The following ZNF385D variants were observed in gnomAD, a reference collection of about 807,000 sequenced individuals.
ZNF385D encodes the protein zinc finger protein 659.
A neutral mutation model predicts 35.8 loss-of-function variants in ZNF385D; 15 were observed. The ratio of observed to expected loss-of-function variants is 0.42; its 90% CI spans 0.28 to 0.64. The LOEUF (loss-of-function observed/expected upper bound fraction) is 0.64, where lower values mean the gene tolerates loss of function less well. Ranked by LOEUF, ZNF385D falls within the 30% of genes least tolerant of loss-of-function variation. ZNF385D has a pLI of 0.23. For synonymous variants in ZNF385D, 212 were observed against 186.8 expected (o/e 1.13, Z -1.10); for missense variants, 474 against 494.6 (o/e 0.96, Z 0.39).
Position 21,860,266 on chromosome 3 carries a change from A to G in ZNF385D, c.326-195238T>C, listed in dbSNP as rs148649256. Among the ~76,000 whole-genome samples the G allele has an allele frequency of 1.8e-3, 275 of 152,184 alleles. 1 individual carries two copies. The highest frequency in any genetic ancestry group is 5.4e-3 in the African/African-American group (225 of 41,540). ...ACATGATCACTGTCATAACTACTCA[A>G]CTGTCTCACTGCAATTCAAAACAGT... On this transcript the variant is annotated intron_variant, in intron 3 of 5. Coordinates refer to the ZNF385D transcript ENST00000494108.
chr3:21,448,090 A>C (rs2125269700), intron 4 of ZNF385D, among the ~76,000 whole-genome samples: 1 of 152,286 alleles, frequency 6.6e-6, no homozygotes, highest in South Asian at 2.1e-4. Context: ...TAATCACCAG[A>C]AAGTTACCAT....
chr3:21,961,143 T>C (rs1410211670), intron 3 of ZNF385D, among the ~76,000 whole-genome samples: 1 of 152,114 alleles, frequency 6.6e-6, no homozygotes, highest in African/African-American at 2.4e-5. Flanking sequence ...TATTATACAC[T>C]GTATACATGT....
intron 3 of ZNF385D, among the ~76,000 whole-genome samples, chr3:22,009,925 TAAAAG>T (rs1009264359): frequency 7.0e-5 from 10 of 143,870 alleles, no homozygotes; most frequent in South Asian, 2.2e-4. Context: ...CAAAACAAAA[TAAAAG>T]AAATGAAAAA....
rs1402062343 is a variant in ZNF385D, at chr3:22,051,015, T to C, written c.325+117802A>G. The stretch of plus-strand genomic sequence containing the variant: ...GAGTTCTGTAGATGTCTATTAGGTC[T>C]GCTTGGTGCAGAGCTGAGTTCAATT... On this transcript the variant is annotated intron_variant, in intron 3 of 5. Transcript: ENST00000494108. Among the ~76,000 whole-genome samples the C allele has an allele frequency of 5.1e-4, 21 of 41,212 alleles. 6 individuals are homozygous for C. Among genetic ancestry groups the C allele is most frequent in the African/African-American group, 1.0e-3 (11 of 10,924 alleles). 27.0% of individuals were successfully genotyped at this position (41,212 alleles called of 152,430 possible).
intron 3 of ZNF385D, among the ~76,000 whole-genome samples, chr3:21,847,606 T>TC (rs1419664994): frequency 1.3e-5 from 2 of 152,034 alleles, no homozygotes; most frequent in African/African-American, 4.8e-5. Context: ...TTTTGCAGTT[T>TC]CCTCTCCTTT....
chr3:22,145,165 A>G (rs1341939404), intron 3 of ZNF385D, among the ~76,000 whole-genome samples: 1 of 152,218 alleles, frequency 6.6e-6, no homozygotes, highest in Non-Finnish European at 1.5e-5. Flanking sequence ...TTTGAGCTTT[A>G]GCAACTATAA....
chr3:21,771,576 C>T (rs935927447), intron 3 of ZNF385D, among the ~76,000 whole-genome samples: 2 of 151,224 alleles, frequency 1.3e-5, no homozygotes, highest in East Asian at 2.0e-4. Context: ...CTTAAAGATG[C>T]TCGAACAGTT....
intron 3 of ZNF385D, among the ~76,000 whole-genome samples, chr3:22,020,207 T>C (rs890680987): frequency 1.3e-5 from 2 of 151,710 alleles, no homozygotes; most frequent in Admixed American, 1.3e-4. Context: ...TGGTGTGGGG[T>C]ACAGAATAAT....
intron 2 of ZNF385D, among the ~76,000 whole-genome samples, chr3:22,331,201 CATTT>C (rs1230257147): frequency 1.3e-5 from 2 of 151,988 alleles, no homozygotes; most frequent in Non-Finnish European, 2.9e-5. Context: ...TAATGCAGGC[CATTT>C]ATTATTTTTT....
At chr3:21,449,439 A>G (rs958600766) in intron 4 of ZNF385D, among the ~76,000 whole-genome samples, 1 of 152,206 alleles carries the variant, frequency 6.6e-6, no homozygotes, top group Non-Finnish European at 1.5e-5. Context: ...ATATTTCACC[A>G]TTAATTTTGA....
At chr3:22,336,403 C>A (rs1434110666) in intron 2 of ZNF385D, among the ~76,000 whole-genome samples, 1 of 152,040 alleles carries the variant, frequency 6.6e-6, no homozygotes, top group Admixed American at 6.5e-5. Context: ...TTTTACGGAA[C>A]TGATTTATTC....
chr3:21,760,839 T>C (rs2070575300), intron 3 of ZNF385D, among the ~76,000 whole-genome samples: 2 of 152,198 alleles, frequency 1.3e-5, no homozygotes, highest in South Asian at 4.1e-4. Flanking sequence ...GTGAGTCATA[T>C]TTTTGAAAGA....
chr3:21,821,418 T>G (rs1411440049), intron 3 of ZNF385D, among the ~76,000 whole-genome samples: 1 of 152,158 alleles, frequency 6.6e-6, no homozygotes, highest in Non-Finnish European at 1.5e-5. Flanking sequence ...TAATAAAAGT[T>G]TAAGAGAATT....
chr3:21,442,345 T>C (rs763467564), intron 4 of ZNF385D, among the ~76,000 whole-genome samples: 3 of 152,170 alleles, frequency 2.0e-5, no homozygotes, highest in Non-Finnish European at 4.4e-5. Context: ...TTCCTGTAGA[T>C]TGAAGGCTCA....
chr3:22,183,495 C>A (rs1024493760), intron 2 of ZNF385D, among the ~76,000 whole-genome samples: 2 of 151,956 alleles, frequency 1.3e-5, no homozygotes, highest in African/African-American at 4.8e-5. Flanking sequence ...GTAGCTGGGA[C>A]TACAGGCACA....
chr3:22,337,061 G>A (rs1357667315), intron 2 of ZNF385D, among the ~76,000 whole-genome samples: 1 of 151,532 alleles, frequency 6.6e-6, no homozygotes, highest in African/African-American at 2.4e-5. Flanking sequence ...CTGTCAAAGA[G>A]TAGAAAGTCA....
In ZNF385D at chr3:21,540,229, CACAA is replaced by C. The variant is rs562023957; in HGVS notation, c.276+24341_276+24344del. 4.4e-4 allele frequency among the ~76,000 whole-genome samples: 67 copies of C among 152,174 alleles called. 2 individuals are homozygous for C. The South Asian group carries it at 0.013, about 30-fold the overall frequency. ...CAAAAGCAGAATAATAACAATATAG[CACAA>C]ACAATCAAGCAAATTTTGAGAGCTA... On this transcript the variant is annotated intron_variant, in intron 3 of 7. Transcript: ENST00000281523.
intron 2 of ZNF385D, among the ~76,000 whole-genome samples, chr3:22,256,985 A>G (rs969296352): frequency 2.0e-5 from 3 of 151,884 alleles, no homozygotes; most frequent in African/African-American, 7.2e-5. Flanking sequence ...TCCAAAACCC[A>G]AGACCTCAGA....
intron 3 of ZNF385D, among the ~76,000 whole-genome samples, chr3:21,550,805 G>T (rs1357114237): frequency 2.0e-5 from 3 of 152,104 alleles, no homozygotes; most frequent in Non-Finnish European, 4.4e-5. Flanking sequence ...AATACCATTA[G>T]AAAATATATC....
Sources: allele counts gnomAD v4.1 joint callset (sites outside exome capture counted in the v4.1 genomes callset), GRCh38; gene constraint gnomAD v4.1.1; transcripts MANE v1.5; gene names NCBI Gene and HGNC (gene_info 2026-07-23, HGNC 2026-07-21).